Variants in ZYG11A observed in about 807,000 individuals in gnomAD.
ZYG11A encodes zyg-11 family member A, cell cycle regulator, also known as protein zyg-11 homolog A.
ZYG11A carries 62 observed loss-of-function variants against 77.2 expected under a neutral mutation model. The ratio of observed to expected loss-of-function variants is 0.80; its 90% confidence interval spans 0.65 to 0.99. The LOEUF (loss-of-function observed/expected upper bound fraction) is 0.99. ZYG11A is among the 50% of genes least tolerant of loss of function. The pLI, the probability that ZYG11A is intolerant of heterozygous loss-of-function variation, is 0.00. For synonymous variants in ZYG11A, 315 were observed against 324.6 expected, an observed-to-expected ratio of 0.97 and a Z score of 0.32; for missense variants, 828 against 896.8, an observed-to-expected ratio of 0.92 and a Z score of 0.98.
intron 8 of ZYG11A, among the ~76,000 whole-genome samples, chr1:52,871,566 G>A (rs113977177): frequency 0.04 from 6,033 of 150,588 alleles, 304 homozygotes; most frequent in Middle Eastern, 0.14. Flanking sequence ...GCGCCATCTC[G>A]GCTCACTGCA....
At chr1:52,887,197 T>A (rs566639152) in intron 13 of ZYG11A, 144 bp downstream of exon 13, 1 of 403,298 alleles carries the variant, frequency 2.5e-6, no homozygotes, top group African/African-American at 2.0e-5. Flanking sequence ...AAAAAAGATA[T>A]TACTAGCTTA....
At position 52,844,118 on chromosome 1, in the gene ZYG11A, C is replaced by T. The variant is rs187212952; in HGVS notation, c.90+1145C>T. 4.4e-4 allele frequency among the ~76,000 whole-genome samples: 67 copies of T among 152,296 alleles called. 1 individual carries two copies. Among genetic ancestry groups the T allele is most frequent in the Admixed American group, 1.0e-3 (16 of 15,304 alleles). Reference sequence around the variant, plus strand: ...TTGCTCGTGAACTTGAATTTCACCTCAGGTGTTCAGACCTCTGGCCCCACT... The same window carrying T: ...TTGCTCGTGAACTTGAATTTCACCTTAGGTGTTCAGACCTCTGGCCCCACT... On this transcript the variant is annotated intron_variant, in intron 1 of 13. Transcript: ENST00000371528.
At position 52,887,022 on chromosome 1, in the gene ZYG11A, A is replaced by G. The variant is rs753909041; in HGVS notation, c.2073A>G (p.Leu691=). 1.1e-5 allele frequency: 17 copies of G among 1,546,442 alleles called. No homozygotes were observed. The highest frequency in any genetic ancestry group is 6.9e-5 in the African/African-American group (5 of 72,818). ...AACCAGAGGTTCAGCTCTGGGCACT[A>G]TGGGCTATGTATCATGTCTGCAGTA... The part of the protein sequence containing the change: ...FSQPEVQLWA[L]WAMYHVCSKN... The change falls in exon 13 of 14, where the codon CTA becomes CTG. Residue 691 remains leucine (L), a synonymous_variant. Coordinates refer to ENST00000371528, the MANE Select transcript of ZYG11A (RefSeq NM_001004339.3).
chr1:52,854,006 T>C (rs1411698500), intron 1 of ZYG11A, among the ~76,000 whole-genome samples: 1 of 152,172 alleles, frequency 6.6e-6, no homozygotes, highest in Non-Finnish European at 1.5e-5. Context: ...ATGGAAAATA[T>C]TTGGGGAAAA....
At chr1:52,862,558 C>T (rs987661209) in intron 4 of ZYG11A, among the ~76,000 whole-genome samples, 4 of 151,880 alleles carry the variant, frequency 2.6e-5, no homozygotes, top group Non-Finnish European at 2.9e-5. Flanking sequence ...GTGATCCGCC[C>T]GCATTGGCCT....
At position 52,892,924 on chromosome 1, in the gene ZYG11A, T is replaced by C. The variant is rs1646570845; in HGVS notation, c.2247T>C (p.Tyr749=). 1 of 1,551,916 alleles carries C rather than the reference T, an allele frequency of 6.4e-7. No homozygotes were observed. The highest frequency in any genetic ancestry group is 8.7e-7 in the Non-Finnish European group (1 of 1,147,042). The change falls in exon 14 of 14, where the codon TAT becomes TAC. Residue 749 remains tyrosine, a synonymous_variant. Transcript: ENST00000371528. ...ACTTCAGAATGCATTTCATGAATTA[T>C]CAGAGGCCCACTCTGTGTCAAATGC... ...LDDFRMHFMN[Y]QRPTLCQMPF is the part of the protein sequence containing the mutation.
chr1:52,889,872 C>T (rs889017933), intron 13 of ZYG11A, among the ~76,000 whole-genome samples: 1 of 151,634 alleles, frequency 6.6e-6, no homozygotes, highest in Non-Finnish European at 1.5e-5. Flanking sequence ...CCACCATGCC[C>T]GGCTAAATTT....
chr1:52,874,237 C>CTA lies in ZYG11A; in HGVS notation c.1543-3444_1543-3443insAT, dbSNP rs199733078. Among the ~76,000 whole-genome samples, 28 of 108,736 alleles carry CTA rather than the reference C, an allele frequency of 2.6e-4. No individual in the cohort carries two copies. In the East Asian group the frequency reaches 4.9e-3, roughly 19 times the overall value. The allele number at this position is 108,736 out of a possible 152,430, so 71.3% of individuals were successfully genotyped here. On this transcript the variant is annotated intron_variant, in intron 8 of 13. Coordinates refer to ENST00000371528, the MANE Select transcript of ZYG11A (RefSeq NM_001004339.3). ...GGTTTAGCGTTTTTTAGCTCTCTCTCTCTATATATATATACATATTTTTTA... is the reference window on the plus strand; with the variant it reads ...GGTTTAGCGTTTTTTAGCTCTCTCTCTATCTATATATATATACATATTTTTTA...
intron 1 of ZYG11A, among the ~76,000 whole-genome samples, chr1:52,851,133 C>T (rs1404541009): frequency 6.6e-6 from 1 of 151,766 alleles, no homozygotes; most frequent in Non-Finnish European, 1.5e-5. Flanking sequence ...CAGCCTTGAC[C>T]TCCTGGGCTC....
At chr1:52,865,063 C>A (rs1014534165) in intron 5 of ZYG11A, among the ~76,000 whole-genome samples, 1 of 152,042 alleles carries the variant, frequency 6.6e-6, no homozygotes, top group Non-Finnish European at 1.5e-5. Flanking sequence ...CTGCCTCAGC[C>A]TCCTGAGTAG....
chr1:52,843,395 T>C (rs1420155161), intron 1 of ZYG11A, among the ~76,000 whole-genome samples: 1 of 152,036 alleles, frequency 6.6e-6, no homozygotes, highest in East Asian at 1.9e-4. Context: ...CCGCAAACCT[T>C]GACCGTTTCC....
intron 12 of ZYG11A, among the ~76,000 whole-genome samples, chr1:52,886,198 C>T (rs1646447750): frequency 6.6e-6 from 1 of 152,158 alleles, no homozygotes; most frequent in African/African-American, 2.4e-5. Flanking sequence ...TCCTAAAGTG[C>T]TGGGATTACA....
At position 52,881,651 on chromosome 1, in the gene ZYG11A, C is replaced by A; in HGVS notation, c.1930C>A (p.Leu644Ile). ...WISRDFQRRT[L>I]LQDLHATIQN... ...ATCCCGTGACTTCCAGAGGCGTACTCTTCTCCAAGATCTGGTACAGGAACC... is the reference window on the plus strand; with the variant it reads ...ATCCCGTGACTTCCAGAGGCGTACTATTCTCCAAGATCTGGTACAGGAACC... Residue 644 changes from leucine (L) to isoleucine (I), a missense_variant, in exon 11 of 14, where the codon CTT (leucine) becomes ATT (isoleucine). Physicochemically the swap from Leu to Ile is conservative, Grantham distance 5. Coordinates refer to ENST00000371528, the MANE Select transcript of ZYG11A (RefSeq NM_001004339.3). 1 of 1,551,106 alleles carries A rather than the reference C, an allele frequency of 6.4e-7. No individual in the cohort carries two copies.
intron 10 of ZYG11A, among the ~76,000 whole-genome samples, chr1:52,878,997 A>G (rs2150016056): frequency 6.7e-6 from 1 of 149,770 alleles, no homozygotes; most frequent in South Asian, 2.1e-4. Flanking sequence ...ACTCAAACTC[A>G]GTCAGTCTGG....
chr1:52,864,073 G>A lies in ZYG11A; in HGVS notation c.1242G>A (p.Leu414=). Residue 414 remains leucine (L), a synonymous_variant, in exon 5 of 14, where the codon CTG becomes CTA. Coordinates refer to ENST00000371528, the MANE Select transcript of ZYG11A (RefSeq NM_001004339.3). ...CTCTCAACCTAACACGCCAGGGCCT[G>A]GCCAAGGGGATGCCTGTTCGCCTGT... ...ACALNLTRQG[L]AKGMPVRLLS... The A allele has an allele frequency of 6.4e-7, 1 of 1,551,906 alleles. No individual in the cohort carries two copies. Among genetic ancestry groups the A allele is most frequent in the Non-Finnish European group, 8.7e-7 (1 of 1,147,038 alleles).
At chr1:52,860,513 G>A (rs1221397299) in intron 3 of ZYG11A, among the ~76,000 whole-genome samples, 5 of 152,092 alleles carry the variant, frequency 3.3e-5, no homozygotes, top group African/African-American at 9.7e-5. Flanking sequence ...GTTCAGGCTG[G>A]TCTCTACTCC....
chr1:52,860,862 T>C lies in ZYG11A; in HGVS notation c.1140T>C (p.Ala380=), dbSNP rs1216879412. ...TTTCAATGGAGGTAACCATGCCTGCTATTTTAAAGGTAATTGAAGGAAGAC... is the reference window on the plus strand; with the variant it reads ...TTTCAATGGAGGTAACCATGCCTGCCATTTTAAAGGTAATTGAAGGAAGAC... ...ETFSMEVTMP[A]ILKLVAIGMR... Residue 380 remains alanine, a synonymous_variant, in exon 4 of 14, where the codon GCT becomes GCC. Transcript: ENST00000371528. 1 of 1,550,424 alleles carries C rather than the reference T, an allele frequency of 6.4e-7. No individual in the cohort carries two copies. Among genetic ancestry groups the C allele is most frequent in the African/African-American group, 1.4e-5 (1 of 73,016 alleles).
At chr1:52,870,465 C>G (rs534416382) in intron 8 of ZYG11A, among the ~76,000 whole-genome samples, 175 of 152,302 alleles carry the variant, frequency 1.1e-3, no homozygotes, top group African/African-American at 4.1e-3. Context: ...GGGCGGCGGC[C>G]GGGCAGAGGC....
chr1:52,871,291 C>A (rs1222974636), intron 8 of ZYG11A, among the ~76,000 whole-genome samples: 1 of 152,102 alleles, frequency 6.6e-6, no homozygotes, highest in African/African-American at 2.4e-5. Context: ...TCAGCCTCCT[C>A]ACGTTTTTAA....
Sources: gnomAD v4.1 joint callset for allele counts (sites outside exome capture counted in the v4.1 genomes callset) on GRCh38, gnomAD v4.1.1 for gene constraint, MANE v1.5 for transcripts, NCBI Gene and HGNC (gene_info 2026-07-23, HGNC 2026-07-21) for gene names.